Variants in RASAL2 observed in about 807,000 individuals in gnomAD.
RASAL2 encodes the protein ras GTPase-activating protein nGAP.
In RASAL2, 58 loss-of-function variants were observed where a neutral mutation model predicts 128.9. The observed-to-expected ratio is 0.45, with a 90% CI of 0.36 to 0.56. The LOEUF is 0.56. RASAL2 is among the 20% of genes least tolerant of loss of function. The pLI is 0.00. For synonymous variants in RASAL2, 561 were observed against 580.8 expected, an observed-to-expected ratio of 0.97 and a Z score of 0.49; for missense variants, 1,360 against 1,601.6, an observed-to-expected ratio of 0.85 and a Z score of 2.57.
intron 3 of RASAL2, among the ~76,000 whole-genome samples, chr1:178,312,898 C>T (rs569878751): frequency 6.6e-6 from 1 of 152,134 alleles, no homozygotes; most frequent in Admixed American, 6.5e-5. Context: ...TCATATTGGG[C>T]ACTTTACATA....
intron 1 of RASAL2, among the ~76,000 whole-genome samples, chr1:178,151,337 G>C (rs1039216363): frequency 6.6e-6 from 1 of 152,040 alleles, no homozygotes. Context: ...CCCAGTAAAC[G>C]GAGGTTGCAG....
At chr1:178,277,927 A>G (rs1666601077) in intron 1 of RASAL2, among the ~76,000 whole-genome samples, 1 of 152,222 alleles carries the variant, frequency 6.6e-6, no homozygotes, top group Non-Finnish European at 1.5e-5. Flanking sequence ...ATAGTGTTAC[A>G]GTCTCACCAA....
intron 1 of RASAL2, among the ~76,000 whole-genome samples, chr1:178,274,057 A>G (rs1215207358): frequency 6.6e-6 from 1 of 152,236 alleles, no homozygotes; most frequent in Non-Finnish European, 1.5e-5. Flanking sequence ...ATGCATATGT[A>G]GCTCTGGATT....
chr1:178,190,379 G>C (rs1272740890), intron 1 of RASAL2, among the ~76,000 whole-genome samples: 1 of 152,010 alleles, frequency 6.6e-6, no homozygotes, highest in African/African-American at 2.4e-5. Context: ...AATGTGTAAG[G>C]CCTTACACAC....
intron 1 of RASAL2, among the ~76,000 whole-genome samples, chr1:178,175,662 A>G (rs911467806): frequency 6.9e-6 from 1 of 144,570 alleles, no homozygotes; most frequent in Non-Finnish European, 1.5e-5. Flanking sequence ...TGTACCCTAT[A>G]TGTAGGTTTT....
intron 9 of RASAL2, among the ~76,000 whole-genome samples, chr1:178,448,008 C>CT (rs1677129582): frequency 6.6e-6 from 1 of 152,094 alleles, no homozygotes; most frequent in South Asian, 2.1e-4. Context: ...GATAGGCAAT[C>CT]TAAGATACCT....
chr1:178,280,220 AT>A (rs1415042983), intron 1 of RASAL2, among the ~76,000 whole-genome samples: 2 of 152,090 alleles, frequency 1.3e-5, no homozygotes. Flanking sequence ...GTGAGTCCAG[AT>A]TTTCTTTGTG....
chr1:178,331,876 C>T (rs187664275), intron 3 of RASAL2, among the ~76,000 whole-genome samples: 1 of 152,000 alleles, frequency 6.6e-6, no homozygotes, highest in African/African-American at 2.4e-5. Context: ...CATGAGCCAC[C>T]ATGCCCAGCC....
intron 5 of RASAL2, among the ~76,000 whole-genome samples, chr1:178,421,898 TA>T (rs1272857858): frequency 6.6e-6 from 1 of 151,968 alleles, no homozygotes; most frequent in Admixed American, 6.6e-5. Context: ...AAGGTAATCA[TA>T]AAAAAAGATT....
At chr1:178,171,277 G>C (rs888544161) in intron 1 of RASAL2, among the ~76,000 whole-genome samples, 1 of 151,850 alleles carries the variant, frequency 6.6e-6, no homozygotes. Flanking sequence ...TTTCACAAGG[G>C]TACTGGTTTT....
chr1:178,203,089 G>A (rs957701143), intron 1 of RASAL2, among the ~76,000 whole-genome samples: 1 of 152,150 alleles, frequency 6.6e-6, no homozygotes, highest in African/African-American at 2.4e-5. Flanking sequence ...AAAGGGCAGA[G>A]GTTTGTCCTC....
intron 1 of RASAL2, among the ~76,000 whole-genome samples, chr1:178,133,290 ATAT>A (rs1660189029): frequency 6.6e-6 from 1 of 152,104 alleles, no homozygotes; most frequent in African/African-American, 2.4e-5. Context: ...TTTGTTATAA[ATAT>A]TATCATGGCA....
At chr1:178,197,038 G>T (rs139102195) in intron 1 of RASAL2, among the ~76,000 whole-genome samples, 11 of 152,320 alleles carry the variant, frequency 7.2e-5, no homozygotes, top group African/African-American at 2.6e-4. Context: ...GCTAAGCCAG[G>T]CACAGTGGCT....
Position 178,314,736 on chromosome 1 carries a change from AG to A in RASAL2, c.457+14620del, listed in dbSNP as rs1483653436. Among the ~76,000 whole-genome samples, 320 of 152,292 alleles carry A rather than the reference AG, an allele frequency of 2.1e-3. 2 individuals carry two copies. The highest frequency in any genetic ancestry group is 7.1e-3 in the African/African-American group (296 of 41,570). ...AACATCTTATTTGATTTGAAGTGGT[AG>A]GCATCACAGATACTTATAAAACTAA... On this transcript the variant is annotated intron_variant, in intron 3 of 17. Transcript: ENST00000367649.
At chr1:178,252,604 GA>G in intron 1 of RASAL2, among the ~76,000 whole-genome samples, 1 of 152,266 alleles carries the variant, frequency 6.6e-6, no homozygotes, top group South Asian at 2.1e-4. Flanking sequence ...AAAGAGAAAT[GA>G]AATAGAAATG....
At chr1:178,434,656 A>G (rs1014274067) in intron 5 of RASAL2, among the ~76,000 whole-genome samples, 1 of 152,086 alleles carries the variant, frequency 6.6e-6, no homozygotes, top group African/African-American at 2.4e-5. Flanking sequence ...GGCTTTAACT[A>G]CAGCAGGTAA....
chr1:178,206,076 TAAA>T (rs1377811598), intron 1 of RASAL2, among the ~76,000 whole-genome samples: 1 of 152,184 alleles, frequency 6.6e-6, no homozygotes, highest in East Asian at 1.9e-4. Context: ...GCCCTTCTCT[TAAA>T]TAGAGAATTC....
At chr1:178,225,997 C>T (rs967478508) in intron 1 of RASAL2, among the ~76,000 whole-genome samples, 8 of 152,058 alleles carry the variant, frequency 5.3e-5, no homozygotes, top group African/African-American at 1.9e-4. Flanking sequence ...CATTTTGCCC[C>T]GAAATCTTGA....
At chr1:178,194,213 T>A (rs1662585416) in intron 1 of RASAL2, 1 of 156,510 alleles carries the variant, frequency 6.4e-6, no homozygotes, top group Non-Finnish European at 1.4e-5. Flanking sequence ...CAGTCACTTT[T>A]CACATTTGAG....
Sources: allele counts gnomAD v4.1 joint callset (sites outside exome capture counted in the v4.1 genomes callset), GRCh38; gene constraint gnomAD v4.1.1; transcripts MANE v1.5; gene names NCBI Gene and HGNC (gene_info 2026-07-23, HGNC 2026-07-21).